MARCHF2: variants seen among roughly 807,000 people sequenced by gnomAD.
MARCHF2 encodes E3 ubiquitin-protein ligase MARCHF2.
A neutral mutation model predicts 24.0 loss-of-function variants in MARCHF2; 22 were observed. That is an observed-to-expected ratio of 0.92 (90% CI 0.66 to 1.31). The LOEUF (loss-of-function observed/expected upper bound fraction) is 1.31, where lower values mean the gene tolerates loss of function less well. Among genes scored for constraint, MARCHF2 ranks in the 50% most tolerant of loss-of-function variants. MARCHF2 has a pLI of 0.00. For missense variants in MARCHF2, 301 were observed against 335.3 expected (o/e 0.90, Z 0.80); for synonymous variants, 154 against 153.0 (o/e 1.01, Z -0.05).
chr19:8,425,474 C>T (rs1183388973), intron 2 of MARCHF2, among the ~76,000 whole-genome samples: 2 of 151,844 alleles, frequency 1.3e-5, no homozygotes, highest in Non-Finnish European at 2.9e-5. Flanking sequence ...TTGAACTCCT[C>T]GGCTCAAGTG....
intron 1 of MARCHF2, among the ~76,000 whole-genome samples, chr19:8,419,057 T>G (rs1967157477): frequency 6.6e-6 from 1 of 152,028 alleles, no homozygotes; most frequent in Non-Finnish European, 1.5e-5. Context: ...GGCCCTTGTT[T>G]CTTCAATGAA....
intron 1 of MARCHF2, chr19:8,413,635 C>T (rs1372672335): frequency 6.6e-6 from 1 of 152,198 alleles, no homozygotes; most frequent in Non-Finnish European, 1.5e-5. Flanking sequence ...TCGGTTTCCC[C>T]ACCTGTGAAA....
chr19:8,418,173 C>G (rs1454718663), intron 1 of MARCHF2, among the ~76,000 whole-genome samples: 1 of 152,174 alleles, frequency 6.6e-6, no homozygotes, highest in Non-Finnish European at 1.5e-5. Flanking sequence ...CAGCCGCTTC[C>G]CCTTTGGCCT....
At chr19:8,433,884 A>AC (rs1427385872) in intron 4 of MARCHF2, among the ~76,000 whole-genome samples, 5 of 147,806 alleles carry the variant, frequency 3.4e-5, no homozygotes, top group African/African-American at 5.2e-5. Context: ...AAAAAAAAAA[A>AC]AGAAAAAAAG....
chr19:8,424,656 C>T (rs578149239), intron 2 of MARCHF2, among the ~76,000 whole-genome samples: 2 of 151,508 alleles, frequency 1.3e-5, no homozygotes, highest in African/African-American at 4.8e-5. Context: ...GACAGAGCAA[C>T]ACTGTCTCAA....
At chr19:8,438,236 G>T (rs1967782781) in intron 4 of MARCHF2, 152 bp from the exon 5 acceptor site, 1 of 762,366 alleles carries the variant, frequency 1.3e-6, no homozygotes, top group Non-Finnish European at 2.2e-6. Context: ...GTCTGTGTGT[G>T]TGCACTTTGT....
chr19:8,415,607 G>A (rs901631438), intron 1 of MARCHF2, among the ~76,000 whole-genome samples: 1 of 150,556 alleles, frequency 6.6e-6, no homozygotes, highest in African/African-American at 2.4e-5. Flanking sequence ...GGTAATCCCA[G>A]CTACTCTGGT....
intron 4 of MARCHF2, among the ~76,000 whole-genome samples, chr19:8,433,049 T>C (rs999915583): frequency 6.6e-6 from 1 of 151,540 alleles, no homozygotes; most frequent in African/African-American, 2.4e-5. Flanking sequence ...CAAAACCCCA[T>C]CTCTAGAAAA....
In MARCHF2 at chr19:8,426,768, G is replaced by A. The variant is rs753389800; in HGVS notation, c.336G>A (p.Glu112=). ...GCTACTGCGAGCTGTGCCACACGGAGTTTGCAGTGGAGAAACGGCCTCGAC... is the reference window on the plus strand; with the variant it reads ...GCTACTGCGAGCTGTGCCACACGGAATTTGCAGTGGAGAAACGGCCTCGAC... ...NTSYCELCHT[E]FAVEKRPRPL... is the part of the protein sequence containing the mutation. The change falls in exon 3 of 5, where the codon GAG becomes GAA. Residue 112 remains glutamate, a synonymous_variant. Coordinates refer to ENST00000215555, the MANE Select transcript of MARCHF2 (RefSeq NM_001005415.2). 1 of 1,612,500 alleles carries A rather than the reference G, an allele frequency of 6.2e-7. No homozygotes were observed. Among genetic ancestry groups the A allele is most frequent in the Non-Finnish European group, 8.5e-7 (1 of 1,180,012 alleles).
chr19:8,428,105 A>G (rs1263572281), intron 3 of MARCHF2, among the ~76,000 whole-genome samples: 2 of 152,156 alleles, frequency 1.3e-5, no homozygotes, highest in East Asian at 3.9e-4. Flanking sequence ...CTAAAAATAC[A>G]AAAAATTAGC....
chr19:8,423,770 C>T lies in MARCHF2; in HGVS notation c.176+1754C>T, dbSNP rs1440538394. The T allele has an allele frequency of 2.0e-5, 3 of 152,166 alleles. No individual in the cohort carries two copies. The East Asian group carries it at 5.8e-4, about 29-fold the overall frequency. 9.4% of individuals were successfully genotyped at this position (152,166 alleles called of 1,614,324 possible). On this transcript the variant is annotated intron_variant, in intron 2 of 4. Coordinates refer to ENST00000215555, the MANE Select transcript of MARCHF2 (RefSeq NM_001005415.2). ...GTCCCAGCACTTTGGAAGTCCAAGG[C>T]TGAAGGATCGCTTGAGCCCAGAAGC...
intron 2 of MARCHF2, 143 bp downstream of exon 2, chr19:8,422,159 C>A (rs576991327): frequency 3.4e-6 from 3 of 872,532 alleles, no homozygotes; most frequent in African/African-American, 1.7e-5. Context: ...AAACAGTTAT[C>A]GCCTTGTGGA....
In MARCHF2 at chr19:8,430,622, C is replaced by T; in HGVS notation, c.373-36C>T. 2 of 1,570,112 alleles carry T rather than the reference C, an allele frequency of 1.3e-6. No individual in the cohort carries two copies. The highest frequency in any genetic ancestry group is 1.1e-5 in the South Asian group (1 of 90,350). ...CTCCCCCTCAGTAGCCCCTTCTCTG[C>T]CCCCTCTCCTCTGCCCCCTATCCTC... On this transcript the variant is annotated intron_variant, in intron 3 of 4. Transcript: ENST00000215555. This position sits in a 1 kb window ranked among gnomAD's most constrained non-coding sequence, Gnocchi z 4.4.
intron 1 of MARCHF2, among the ~76,000 whole-genome samples, chr19:8,421,151 C>G (rs1238076276): frequency 6.8e-6 from 1 of 147,026 alleles, no homozygotes; most frequent in Non-Finnish European, 1.5e-5. Context: ...GAGACAGAGT[C>G]TTGCTCTGTC....
intron 3 of MARCHF2, among the ~76,000 whole-genome samples, chr19:8,428,088 A>G (rs944626428): frequency 1.3e-5 from 2 of 152,044 alleles, no homozygotes; most frequent in Non-Finnish European, 1.5e-5. Flanking sequence ...GTGAAACCCC[A>G]TCTCTACTAA....
Position 8,438,375 on chromosome 19 carries a change from G to A in MARCHF2, c.583-13G>A. 6.2e-7 allele frequency: 1 copy of A among 1,612,852 alleles called. No homozygotes were observed. Among genetic ancestry groups the A allele is most frequent in the Non-Finnish European group, 8.5e-7 (1 of 1,180,004 alleles). On this transcript the variant is annotated splice_polypyrimidine_tract_variant and intron_variant, in intron 4 of 4. Coordinates refer to ENST00000215555, the MANE Select transcript of MARCHF2 (RefSeq NM_001005415.2). ...GGGTGGAGGCCTCCGCTCACTGCAG[G>A]GCTGCCCCACAGGTCTCCTTCCGCT...
chr19:8,414,941 G>C (rs1446055560), intron 1 of MARCHF2, among the ~76,000 whole-genome samples: 1 of 152,158 alleles, frequency 6.6e-6, no homozygotes, highest in African/African-American at 2.4e-5. Flanking sequence ...AAGAACCCAG[G>C]TCTCTTGAGG....
intron 1 of MARCHF2, among the ~76,000 whole-genome samples, chr19:8,417,499 G>A (rs1484837482): frequency 6.6e-6 from 1 of 152,060 alleles, no homozygotes; most frequent in East Asian, 1.9e-4. Context: ...GTGCAGTGGC[G>A]TGATCTCAGC....
chr19:8,428,121 G>A (rs1186885267), intron 3 of MARCHF2, among the ~76,000 whole-genome samples: 1 of 152,186 alleles, frequency 6.6e-6, no homozygotes, highest in Non-Finnish European at 1.5e-5. Flanking sequence ...TTAGCCGGGC[G>A]TGGTTGCAGG....
Sources: allele counts gnomAD v4.1 joint callset (sites outside exome capture counted in the v4.1 genomes callset), GRCh38; gene constraint gnomAD v4.1.1; non-coding constraint Gnocchi (gnomAD v3.1); transcripts MANE v1.5; gene names NCBI Gene and HGNC (gene_info 2026-07-23, HGNC 2026-07-21).